HOMER2: variants seen among roughly 807,000 people sequenced by gnomAD.
HOMER2 encodes the protein homer protein homolog 2.
A neutral mutation model predicts 47.0 loss-of-function variants in HOMER2; 27 were observed. The ratio of observed to expected loss-of-function variants is 0.57; its 90% CI spans 0.42 to 0.79. The LOEUF (loss-of-function observed/expected upper bound fraction) is 0.79. HOMER2 is among the 30% of genes least tolerant of loss of function. The pLI, the probability that HOMER2 is intolerant of heterozygous loss-of-function variation, is 0.00. For synonymous variants in HOMER2, 161 were observed against 163.8 expected (o/e 0.98, Z 0.13); for missense variants, 443 against 435.0 (o/e 1.02, Z -0.16).
chr15:82,836,033 CT>C (rs2051122328), downstream of HOMER2: 1 of 152,202 alleles, frequency 6.6e-6, no homozygotes, highest in South Asian at 2.1e-4. Context: ...TTTCTAAGGG[CT>C]GCCAAACACA....
intron 2 of HOMER2, among the ~76,000 whole-genome samples, chr15:82,878,700 T>G (rs528804244): frequency 6.6e-6 from 1 of 152,346 alleles, no homozygotes; most frequent in South Asian, 2.1e-4. Flanking sequence ...CAAACATGGC[T>G]CACTGCAGCC....
chr15:82,860,532 A>G (rs2051740527), intron 4 of HOMER2, among the ~76,000 whole-genome samples: 1 of 152,236 alleles, frequency 6.6e-6, no homozygotes, highest in South Asian at 2.1e-4. Flanking sequence ...TTGAAAATCA[A>G]TACAAAAGAT....
chr15:82,943,008 G>A (rs115224614), intron 1 of HOMER2, among the ~76,000 whole-genome samples: 1 of 152,284 alleles, frequency 6.6e-6, no homozygotes, highest in African/African-American at 2.4e-5. Flanking sequence ...AGGGGATTAA[G>A]GATGAGGGAA....
chr15:82,972,826 A>C (rs2030044618), intron 1 of HOMER2, among the ~76,000 whole-genome samples: 1 of 152,240 alleles, frequency 6.6e-6, no homozygotes, highest in African/African-American at 2.4e-5. Context: ...TCTGAGTAAC[A>C]AAATGCTTTA....
intron 3 of HOMER2, 64 bp from the exon 4 acceptor site, chr15:82,864,323 C>A: frequency 9.2e-7 from 1 of 1,084,408 alleles, no homozygotes; most frequent in East Asian, 2.4e-5. Flanking sequence ...ATTCAGAACC[C>A]ACCTTTATTT....
chr15:82,964,625 G>A (rs1046989096), intron 1 of HOMER2, among the ~76,000 whole-genome samples: 2 of 152,088 alleles, frequency 1.3e-5, no homozygotes, highest in Admixed American at 1.3e-4. Flanking sequence ...AATTAACCGG[G>A]CGCAGTGGTT....
intron 1 of HOMER2, among the ~76,000 whole-genome samples, chr15:82,965,623 C>T (rs1189274644): frequency 6.6e-6 from 1 of 152,106 alleles, no homozygotes; most frequent in Non-Finnish European, 1.5e-5. Flanking sequence ...TACCTAACTT[C>T]CCTGTACCTC....
intron 2 of HOMER2, among the ~76,000 whole-genome samples, chr15:82,877,411 C>T (rs1368651739): frequency 6.6e-6 from 1 of 152,150 alleles, no homozygotes. Flanking sequence ...CTCAGGTGAT[C>T]CGCCCGCCTT....
At chr15:82,837,045 T>C (rs1053564399) in exon 2 of HOMER2, 2 of 152,272 alleles carry the variant, frequency 1.3e-5, no homozygotes, top group Non-Finnish European at 2.9e-5. Context: ...CTGTGTTCTC[T>C]TCTAAAGGCT....
intron 1 of HOMER2, among the ~76,000 whole-genome samples, chr15:82,950,988 T>C (rs887423473): frequency 3.3e-5 from 5 of 152,184 alleles, no homozygotes; most frequent in Non-Finnish European, 7.3e-5. Flanking sequence ...ATCCCTTTTA[T>C]CTTCCATTCT....
chr15:82,914,630 A>G (rs1357357045), intron 1 of HOMER2, among the ~76,000 whole-genome samples: 1 of 152,112 alleles, frequency 6.6e-6, no homozygotes, highest in Non-Finnish European at 1.5e-5. Flanking sequence ...CTGGAAATGG[A>G]GAGTAGTGAT....
intron 1 of HOMER2, among the ~76,000 whole-genome samples, chr15:82,982,075 G>GA (rs1325128549): frequency 6.6e-6 from 1 of 152,008 alleles, no homozygotes; most frequent in Non-Finnish European, 1.5e-5. Context: ...ACAATGAGTA[G>GA]AAAAAAACAC....
chr15:82,929,312 G>C (rs1252525141), intron 1 of HOMER2, among the ~76,000 whole-genome samples: 1 of 152,148 alleles, frequency 6.6e-6, no homozygotes, highest in Non-Finnish European at 1.5e-5. Context: ...GAGATAGATG[G>C]ATGAGAAAGG....
At chr15:82,971,229 A>G (rs2029975705) in intron 1 of HOMER2, among the ~76,000 whole-genome samples, 1 of 152,166 alleles carries the variant, frequency 6.6e-6, no homozygotes, top group South Asian at 2.1e-4. Context: ...CCATAGGTGC[A>G]GGTAAGTAAA....
At chr15:82,881,830 A>G (rs1187720619) in intron 2 of HOMER2, among the ~76,000 whole-genome samples, 2 of 152,220 alleles carry the variant, frequency 1.3e-5, no homozygotes, top group Non-Finnish European at 2.9e-5. Flanking sequence ...GTCTCTTCCA[A>G]TACAGGTTTC....
At chr15:82,939,338 A>T (rs969822023) in intron 1 of HOMER2, among the ~76,000 whole-genome samples, 1 of 152,142 alleles carries the variant, frequency 6.6e-6, no homozygotes. Flanking sequence ...CATGACTCTC[A>T]TGGGAGCTTT....
chr15:82,900,718 A>G (rs2053087041), intron 1 of HOMER2, among the ~76,000 whole-genome samples: 1 of 152,220 alleles, frequency 6.6e-6, no homozygotes, highest in African/African-American at 2.4e-5. Flanking sequence ...ATCCTGTTAC[A>G]ACAATGCACC....
At chr15:82,968,705 T>C (rs1027149240) in intron 1 of HOMER2, among the ~76,000 whole-genome samples, 3 of 152,114 alleles carry the variant, frequency 2.0e-5, no homozygotes, top group African/African-American at 4.8e-5. Flanking sequence ...TTTCAGACTG[T>C]GTTTCACACA....
At position 82,881,138 on chromosome 15, in the gene HOMER2, G is replaced by C. The variant is rs920349866; in HGVS notation, c.163-5734C>G. On this transcript the variant is annotated intron_variant, in intron 2 of 8. Transcript: ENST00000450735. ...CTGTGTACACCTTCTTCTTGCGTGA[G>C]TCATCTCTAAAACTTTCACAGAGAA... Among the ~76,000 whole-genome samples, 7 of 152,350 alleles carry C rather than the reference G, an allele frequency of 4.6e-5. No homozygotes were observed. In the East Asian group the frequency reaches 5.8e-4, roughly 13 times the overall value.
Sources: gnomAD v4.1 joint callset for allele counts (sites outside exome capture counted in the v4.1 genomes callset) on GRCh38, gnomAD v4.1.1 for gene constraint, MANE v1.5 for transcripts, NCBI Gene and HGNC (gene_info 2026-07-23, HGNC 2026-07-21) for gene names.